FAM217B: variants seen among roughly 807,000 people sequenced by gnomAD.
FAM217B encodes family with sequence similarity 217 member B.
For synonymous variants in FAM217B, 163 were observed against 173.0 expected (o/e 0.94, Z 0.45); for missense variants, 463 against 456.9 (o/e 1.01, Z -0.12).
chr20:59,946,603 A>G lies in FAM217B; in HGVS notation c.*1508A>G, dbSNP rs2060938534. On this transcript the variant is annotated 3_prime_UTR_variant, in exon 4 of 4. Transcript: ENST00000360816. ...GATTTTGATCATACCAAATGACATA[A>G]TATTTTTTATGGTAGCCTTTTACTT... The G allele has an allele frequency of 6.0e-6, 1 of 167,052 alleles. No homozygotes were observed. Among genetic ancestry groups the G allele is most frequent in the Non-Finnish European group, 1.5e-5 (1 of 68,092 alleles). 10.3% of individuals were successfully genotyped at this position (167,052 alleles called of 1,614,324 possible).
upstream of FAM217B, chr20:59,939,958 G>T: frequency 7.9e-7 from 1 of 1,262,524 alleles, no homozygotes; most frequent in Non-Finnish European, 1.0e-6. Context: ...GGAAGATGAG[G>T]CAGGGATGAG....
At position 59,944,757 on chromosome 20, in the gene FAM217B, G is replaced by A. The variant is rs2060927190; in HGVS notation, c.814G>A (p.Asp272Asn). Residue 272 changes from aspartate to asparagine, a missense_variant, in exon 4 of 4, where the codon GAT becomes AAT. Physicochemically the swap from Asp to Asn is conservative, Grantham distance 23 (BLOSUM62 1). Transcript: ENST00000360816. ...ATTTGAGACTTCCCCTAGACCCATT[G>A]ATGTGCTTGGTGGTACCAGGTTTTG... ...YAFETSPRPIDVLGGTRFCSQ... is the reference protein window; with the variant it reads ...YAFETSPRPINVLGGTRFCSQ... 1 of 1,614,164 alleles carries A rather than the reference G, an allele frequency of 6.2e-7. No homozygotes were observed. The highest frequency in any genetic ancestry group is 2.2e-5 in the East Asian group (1 of 44,880).
rs1326737524 is a variant in FAM217B, at chr20:59,944,928, G to A, written c.985G>A (p.Ala329Thr). The A allele has an allele frequency of 6.2e-7, 1 of 1,614,162 alleles. No individual in the cohort carries two copies. Among genetic ancestry groups the A allele is most frequent in the Admixed American group, 1.7e-5 (1 of 60,020 alleles). The change falls in exon 4 of 4, where the codon GCA (alanine) becomes ACA (threonine). Residue 329 changes from alanine to threonine, a missense_variant. Ala to Thr is a moderately conservative substitution (Grantham distance 58). Transcript: ENST00000360816. ...TSGHIRVPKQ[A>T]AVILDSADSC... The stretch of plus-strand genomic sequence containing the variant: ...CGGTCACATTCGAGTTCCCAAACAG[G>A]CAGCTGTGATTCTGGACTCAGCAGA...
chr20:59,947,333 C>G lies in FAM217B; in HGVS notation c.*2238C>G, dbSNP rs2060942883. 2 of 154,440 alleles carry G rather than the reference C, an allele frequency of 1.3e-5. No individual in the cohort carries two copies. The highest frequency in any genetic ancestry group is 6.5e-5 in the Admixed American group (1 of 15,270). The allele number at this position is 154,440 out of a possible 1,614,324, so 9.6% of individuals were successfully genotyped here. Reference sequence around the variant, plus strand: ...ACCAGCCTGACCAACATGGAGAAACCCTGTCTCCACTAAAAATACAAAATT... The same window carrying G: ...ACCAGCCTGACCAACATGGAGAAACGCTGTCTCCACTAAAAATACAAAATT... On this transcript the variant is annotated 3_prime_UTR_variant, in exon 4 of 4. Coordinates refer to ENST00000360816, the MANE Select transcript of FAM217B (RefSeq NM_022106.3).
chr20:59,934,100 G>C (rs895255822), intron 1 of FAM217B, among the ~76,000 whole-genome samples: 1 of 152,158 alleles, frequency 6.6e-6, no homozygotes, highest in African/African-American at 2.4e-5. Context: ...AGCCAGCCCT[G>C]CAGGGGCGAG....
intron 1 of FAM217B, among the ~76,000 whole-genome samples, 179 bp downstream of exon 1, chr20:59,940,714 T>C (rs147846340): frequency 6.6e-6 from 1 of 152,278 alleles, no homozygotes; most frequent in African/African-American, 2.4e-5. Context: ...AGGCTAATTT[T>C]AAACATCGAG....
At chr20:59,934,768 TA>T (rs2145940813) in intron 1 of FAM217B, among the ~76,000 whole-genome samples, 1 of 152,280 alleles carries the variant, frequency 6.6e-6, no homozygotes, top group African/African-American at 2.4e-5. Context: ...TGTTTAAAAA[TA>T]TGGGATTAAG....
chr20:59,937,229 GCT>G (rs748925841), upstream of FAM217B: 4 of 152,706 alleles, frequency 2.6e-5, no homozygotes, highest in Non-Finnish European at 1.5e-5. Context: ...CAACTGTCTT[GCT>G]CTCTGTTTTG....
upstream of FAM217B, chr20:59,940,248 C>G: frequency 4.3e-6 from 1 of 234,422 alleles, no homozygotes; most frequent in Non-Finnish European, 8.9e-6. Context: ...TACAAGAAGG[C>G]TGCGTTCCGG....
intron 1 of FAM217B, among the ~76,000 whole-genome samples, chr20:59,934,220 G>T (rs1233437414): frequency 6.6e-6 from 1 of 152,232 alleles, no homozygotes; most frequent in African/African-American, 2.4e-5. Flanking sequence ...GCCGGAGGGC[G>T]GGAGAGACCG....
chr20:59,939,101 G>T, upstream of FAM217B: 1 of 1,597,820 alleles, frequency 6.3e-7, no homozygotes. Context: ...TGCGACATGT[G>T]AGGCTGTAGT....
rs909866240 is a variant in FAM217B at position 59,946,391 on chromosome 20, G to A, written c.*1296G>A. 1.8e-5 allele frequency: 3 copies of A among 166,608 alleles called. No homozygotes were observed. Among genetic ancestry groups the A allele is most frequent in the East Asian group, 3.9e-4 (2 of 5,188 alleles). 10.3% of individuals were successfully genotyped at this position (166,608 alleles called of 1,614,324 possible). The stretch of plus-strand genomic sequence containing the variant: ...AGAGGTTTCAATTTTTTCACCTTGG[G>A]GGCAAATGAAAAACTTGGCATTTTT... On this transcript the variant is annotated 3_prime_UTR_variant, in exon 4 of 4. Transcript: ENST00000360816.
chr20:59,944,471 ACTT>A lies in FAM217B; in HGVS notation c.532_534del (p.Leu178del), dbSNP rs746168189. ...CGGAAGCCGTGCCCCGAGTGGGAGG[ACTT>A]CTTGGGAAGTATATCGATAGACTTA... On this transcript the variant is annotated inframe_deletion, in exon 4 of 4. Coordinates refer to ENST00000360816, the MANE Select transcript of FAM217B (RefSeq NM_022106.3). 91 of 1,613,390 alleles carry A rather than the reference ACTT, an allele frequency of 5.6e-5. No individual in the cohort carries two copies. Among genetic ancestry groups the A allele is most frequent in the Non-Finnish European group, 7.6e-5 (90 of 1,179,936 alleles).
Position 59,944,296 on chromosome 20 carries a change from G to A in FAM217B, c.353G>A (p.Arg118Gln), listed in dbSNP as rs1420351818. ...CTCACACCTCCAGATCTCAATCTTC[G>A]AGCTGAAGAAATTGATCCAGTTTAC... ...SPLTPPDLNL[R>Q]AEEIDPVYFD... Residue 118 changes from arginine (R) to glutamine (Q), a missense_variant, in exon 4 of 4, where the codon CGA becomes CAA. By Grantham distance (43) the Arg-to-Gln change is conservative. Coordinates refer to ENST00000360816, the MANE Select transcript of FAM217B (RefSeq NM_022106.3). The A allele has an allele frequency of 6.2e-6, 10 of 1,613,886 alleles. No homozygotes were observed. The highest frequency in any genetic ancestry group is 1.6e-4 in the Middle Eastern group (1 of 6,084).
At position 59,947,619 on chromosome 20, in the gene FAM217B, A is replaced by G. The variant is rs903876704; in HGVS notation, c.*2524A>G. On this transcript the variant is annotated 3_prime_UTR_variant, in exon 4 of 4. Transcript: ENST00000360816. ...GGGAATAGTCATAATTTCATGTGTT[A>G]TACAGTTTAAAAAGCCTGCAAAAGT... The G allele has an allele frequency of 1.8e-5, 3 of 167,114 alleles. No individual in the cohort carries two copies. Among genetic ancestry groups the G allele is most frequent in the Non-Finnish European group, 4.4e-5 (3 of 68,128 alleles). 10.4% of individuals were successfully genotyped at this position (167,114 alleles called of 1,614,324 possible).
upstream of FAM217B, chr20:59,939,106 T>A: frequency 6.2e-7 from 1 of 1,601,068 alleles, no homozygotes; most frequent in South Asian, 1.1e-5. Context: ...CATGTGAGGC[T>A]GTAGTCTCGG....
upstream of FAM217B, chr20:59,938,481 T>G (rs940533334): frequency 6.6e-6 from 1 of 152,514 alleles, no homozygotes; most frequent in Non-Finnish European, 1.5e-5. Context: ...GGGCTCAGGT[T>G]TTCCTTATCC....
chr20:59,935,104 G>A (rs941904291), intron 1 of FAM217B, among the ~76,000 whole-genome samples: 11 of 152,166 alleles, frequency 7.2e-5, no homozygotes, highest in African/African-American at 2.4e-4. Context: ...TACTAATAAT[G>A]TATAACACAA....
In FAM217B at chr20:59,944,356, C is replaced by T. The variant is rs2060923242; in HGVS notation, c.413C>T (p.Pro138Leu). The change falls in exon 4 of 4, where the codon CCT becomes CTT. Residue 138 changes from proline (P) to leucine (L), a missense_variant. Coordinates refer to ENST00000360816, the MANE Select transcript of FAM217B (RefSeq NM_022106.3). ...DLHPGQGHTKPEYYYPNFLPS... is the reference protein window; with the variant it reads ...DLHPGQGHTKLEYYYPNFLPS... ...CACCCTGGTCAGGGCCATACAAAACCTGAATACTATTATCCTAATTTCCTT... is the reference window on the plus strand; with the variant it reads ...CACCCTGGTCAGGGCCATACAAAACTTGAATACTATTATCCTAATTTCCTT... The T allele has an allele frequency of 6.2e-7, 1 of 1,613,952 alleles. No individual in the cohort carries two copies.
Sources: gnomAD v4.1 joint callset for allele counts (sites outside exome capture counted in the v4.1 genomes callset) on GRCh38, gnomAD v4.1.1 for gene constraint, MANE v1.5 for transcripts, NCBI Gene and HGNC (gene_info 2026-07-23, HGNC 2026-07-21) for gene names.